MAGI2: variants seen among roughly 807,000 people sequenced by gnomAD.
MAGI2 encodes membrane associated guanylate kinase, WW and PDZ domain containing 2.
A neutral mutation model predicts 133.3 loss-of-function variants in MAGI2; 35 were observed. That is an observed-to-expected ratio of 0.26 (90% CI 0.20 to 0.35). MAGI2 has a LOEUF of 0.35. MAGI2 is among the 10% of genes least tolerant of loss of function. MAGI2 has a pLI of 1.00. For synonymous variants in MAGI2, 729 were observed against 710.6 expected (o/e 1.03, Z -0.41); for missense variants, 1,636 against 1,863.4 (o/e 0.88, Z 2.25).
chr7:78,114,769 G>A (rs956930920), intron 20 of MAGI2, among the ~76,000 whole-genome samples: 1 of 152,208 alleles, frequency 6.6e-6, no homozygotes, highest in Non-Finnish European at 1.5e-5. Context: ...GGACTGTGTG[G>A]CAGTGGCAAG....
chr7:79,272,887 C>T (rs777064785), intron 1 of MAGI2, among the ~76,000 whole-genome samples: 2 of 151,998 alleles, frequency 1.3e-5, no homozygotes, highest in African/African-American at 2.4e-5. Context: ...ATAATATATA[C>T]CAGAAGATAT....
At position 78,784,042 on chromosome 7, in the gene MAGI2, G is replaced by A. The variant is rs527423005; in HGVS notation, c.419-156803C>T. Among the ~76,000 whole-genome samples the A allele has an allele frequency of 8.5e-5, 13 of 152,178 alleles. 1 individual carries two copies. The highest frequency in any genetic ancestry group is 2.9e-4 in the African/African-American group (12 of 41,520). ...TTTTTGGAATGGTCATACTAATTGC[G>A]TTGACATAGTGTATCAGGGAGCTTT... On this transcript the variant is annotated intron_variant, in intron 2 of 21. Coordinates refer to ENST00000354212, the MANE Select transcript of MAGI2 (RefSeq NM_012301.4).
intron 2 of MAGI2, among the ~76,000 whole-genome samples, chr7:78,994,562 C>G (rs1434344103): frequency 2.0e-5 from 3 of 152,012 alleles, no homozygotes; most frequent in Non-Finnish European, 2.9e-5. Context: ...AAGATTTGCT[C>G]AAAGAACTGT....
intron 1 of MAGI2, among the ~76,000 whole-genome samples, chr7:79,426,260 T>G (rs558581162): frequency 1.3e-5 from 2 of 152,288 alleles, no homozygotes; most frequent in African/African-American, 4.8e-5. Flanking sequence ...GCATAGATCA[T>G]TAGATCAGAA....
intron 10 of MAGI2, among the ~76,000 whole-genome samples, chr7:78,243,224 T>TACACAC (rs539437959): frequency 4.1e-4 from 58 of 140,812 alleles, no homozygotes; most frequent in African/African-American, 9.9e-4. Flanking sequence ...ATGGTTCAGA[T>TACACAC]ACACACACAC....
intron 2 of MAGI2, among the ~76,000 whole-genome samples, chr7:78,636,690 C>T (rs1178170721): frequency 2.0e-5 from 3 of 152,040 alleles, no homozygotes; most frequent in African/African-American, 7.2e-5. Context: ...CCCAGCTACT[C>T]GGGACGCTGA....
intron 3 of MAGI2, chr7:78,615,415 G>A (rs1376425819): frequency 6.6e-6 from 1 of 152,210 alleles, no homozygotes; most frequent in African/African-American, 2.4e-5. Flanking sequence ...TCAAAAAGGT[G>A]TTCTCTGGAA....
chr7:78,327,163 C>G (rs1788670552), intron 9 of MAGI2, among the ~76,000 whole-genome samples: 1 of 152,204 alleles, frequency 6.6e-6, no homozygotes, highest in Non-Finnish European at 1.5e-5. Context: ...ATTCCTTGCC[C>G]AGCAGGCAGC....
intron 1 of MAGI2, among the ~76,000 whole-genome samples, chr7:79,289,070 T>G (rs1038991505): frequency 2.6e-4 from 40 of 152,284 alleles, no homozygotes; most frequent in African/African-American, 7.5e-4. Flanking sequence ...GAGAGCCTAG[T>G]GCACTGTTTC....
intron 1 of MAGI2, among the ~76,000 whole-genome samples, chr7:79,450,693 G>A (rs1320831280): frequency 1.3e-5 from 2 of 152,072 alleles, no homozygotes; most frequent in African/African-American, 4.8e-5. Flanking sequence ...TTCAATACAA[G>A]AGTGATCTCC....
intron 1 of MAGI2, among the ~76,000 whole-genome samples, chr7:79,127,199 A>G (rs1820496564): frequency 1.3e-5 from 2 of 152,074 alleles, no homozygotes; most frequent in Admixed American, 1.3e-4. Flanking sequence ...CTGGTCTATC[A>G]TTGTTGGACA....
At chr7:79,113,138 A>T (rs765734277) in intron 1 of MAGI2, among the ~76,000 whole-genome samples, 3 of 152,146 alleles carry the variant, frequency 2.0e-5, no homozygotes, top group Non-Finnish European at 2.9e-5. Context: ...CAATGTTGTG[A>T]AATATCTGAG....
intron 1 of MAGI2, among the ~76,000 whole-genome samples, chr7:79,089,537 A>C (rs151253599): frequency 1.3e-5 from 2 of 152,012 alleles, no homozygotes; most frequent in African/African-American, 4.8e-5. Context: ...TACAATAGCA[A>C]AGACTTTGAA....
chr7:79,275,043 A>G (rs1585400385), intron 1 of MAGI2, among the ~76,000 whole-genome samples: 1 of 152,230 alleles, frequency 6.6e-6, no homozygotes, highest in Admixed American at 6.5e-5. Context: ...ACATGATGAC[A>G]CTGAAATTAG....
intron 4 of MAGI2, among the ~76,000 whole-genome samples, chr7:78,515,626 C>T (rs936250600): frequency 2.0e-5 from 3 of 151,368 alleles, no homozygotes; most frequent in African/African-American, 7.2e-5. Flanking sequence ...TTTGGCCAGG[C>T]GCTGTAGCTC....
chr7:78,383,476 T>A (rs1023393168), intron 6 of MAGI2, among the ~76,000 whole-genome samples: 1 of 152,032 alleles, frequency 6.6e-6, no homozygotes, highest in African/African-American at 2.4e-5. Flanking sequence ...TTTTCCTGTT[T>A]GATTTATTTG....
chr7:79,126,017 C>G (rs114909683), intron 1 of MAGI2, among the ~76,000 whole-genome samples: 1 of 152,224 alleles, frequency 6.6e-6, no homozygotes, highest in Non-Finnish European at 1.5e-5. Flanking sequence ...AATTGTATAA[C>G]AGGTTATTTT....
At chr7:79,151,331 A>G (rs1221015408) in intron 1 of MAGI2, among the ~76,000 whole-genome samples, 3 of 152,190 alleles carry the variant, frequency 2.0e-5, no homozygotes, top group Admixed American at 6.5e-5. Context: ...CAAAAGATGA[A>G]CAATCTAACA....
chr7:78,886,877 G>A (rs1251316285), intron 2 of MAGI2, among the ~76,000 whole-genome samples: 1 of 152,110 alleles, frequency 6.6e-6, no homozygotes, highest in East Asian at 1.9e-4. Context: ...AGATGAGGGA[G>A]GGACCTTGTA....
Sources: allele counts gnomAD v4.1 joint callset (sites outside exome capture counted in the v4.1 genomes callset), GRCh38; gene constraint gnomAD v4.1.1; transcripts MANE v1.5; gene names NCBI Gene and HGNC (gene_info 2026-07-23, HGNC 2026-07-21).